Variants in MTFR1 observed in about 807,000 individuals in gnomAD.
The protein encoded by MTFR1 is mitochondrial fission regulator 1, also known as chondrocyte protein with a poly-proline region.
A neutral mutation model predicts 38.8 loss-of-function variants in MTFR1; 28 were observed. The ratio of observed to expected loss-of-function variants is 0.72; its 90% confidence interval spans 0.53 to 0.99. The LOEUF (loss-of-function observed/expected upper bound fraction) is 0.99. MTFR1 is among the 50% of genes least tolerant of loss of function. MTFR1 has a pLI of 0.00. For missense variants in MTFR1, 358 were observed against 395.5 expected (o/e 0.91, Z 0.81); for synonymous variants, 145 against 137.0 (o/e 1.06, Z -0.41).
chr8:65,700,349 T>TAA (rs551471575), intron 4 of MTFR1, among the ~76,000 whole-genome samples: 31 of 106,798 alleles, frequency 2.9e-4, no homozygotes, highest in African/African-American at 9.1e-4. Context: ...AGACCTATCT[T>TAA]AAAAAAAAAA....
chr8:65,668,810 G>A (rs184235195), intron 1 of MTFR1, among the ~76,000 whole-genome samples: 14 of 152,178 alleles, frequency 9.2e-5, no homozygotes, highest in Admixed American at 2.0e-4. Flanking sequence ...CACCACGCCC[G>A]GCCTTAAGCA....
intron 1 of MTFR1, among the ~76,000 whole-genome samples, chr8:65,657,253 T>G (rs1809294019): frequency 6.6e-6 from 1 of 152,198 alleles, no homozygotes; most frequent in African/African-American, 2.4e-5. Flanking sequence ...CCCCATGTGA[T>G]CCACCCACCT....
At chr8:65,773,728 A>AT (rs1482972695), downstream of MTFR1, among the ~76,000 whole-genome samples, 1 of 152,124 alleles carries the variant, frequency 6.6e-6, no homozygotes, top group African/African-American at 2.4e-5. Context: ...TTTCCTAGTG[A>AT]TTTAGATAGT....
intron 3 of MTFR1, among the ~76,000 whole-genome samples, chr8:65,753,004 T>C (rs1808040692): frequency 6.6e-6 from 1 of 152,226 alleles, no homozygotes; most frequent in Non-Finnish European, 1.5e-5. Flanking sequence ...ACTGAACTCC[T>C]TTTGTTGTCT....
chr8:65,655,819 C>T (rs868237004), intron 1 of MTFR1, among the ~76,000 whole-genome samples: 8 of 150,168 alleles, frequency 5.3e-5, no homozygotes, highest in East Asian at 1.9e-4. Context: ...CATGGTGGTG[C>T]GCACCTGTAA....
chr8:65,772,813 G>A (rs886968036), downstream of MTFR1, among the ~76,000 whole-genome samples: 7 of 152,046 alleles, frequency 4.6e-5, no homozygotes, highest in Non-Finnish European at 1.0e-4. Flanking sequence ...AGACCAGTCT[G>A]ACCAATATGG....
chr8:65,720,419 A>G (rs970296747), intron 3 of MTFR1: 8 of 154,188 alleles, frequency 5.2e-5, no homozygotes, highest in African/African-American at 1.9e-4. Context: ...CGTTGCAGCA[A>G]AAGACCATGT....
chr8:65,660,872 T>C (rs963969724), intron 1 of MTFR1, among the ~76,000 whole-genome samples: 1 of 152,160 alleles, frequency 6.6e-6, no homozygotes, highest in African/African-American at 2.4e-5. Context: ...CTCCGTAAAA[T>C]GGAATGTTAT....
intron 3 of MTFR1, among the ~76,000 whole-genome samples, chr8:65,738,313 C>T (rs937075175): frequency 6.6e-6 from 1 of 152,138 alleles, no homozygotes; most frequent in Admixed American, 6.6e-5. Flanking sequence ...GATCTGGGCA[C>T]TATATGAAAT....
chr8:65,648,097 T>C (rs544460088), intron 1 of MTFR1, among the ~76,000 whole-genome samples: 7 of 152,114 alleles, frequency 4.6e-5, no homozygotes, highest in African/African-American at 1.4e-4. Context: ...CTGCAAGCTC[T>C]GCCTCCCGGG....
At chr8:65,722,883 A>G (rs35042734) in intron 3 of MTFR1, 6,631 of 152,318 alleles carry the variant, frequency 0.044, 230 homozygotes, top group Non-Finnish European at 0.067. Context: ...AGAAGGTGAC[A>G]TTTGAGCTGC....
chr8:65,768,091 G>C (rs1001480478), intron 3 of MTFR1, among the ~76,000 whole-genome samples: 2 of 152,122 alleles, frequency 1.3e-5, no homozygotes, highest in Admixed American at 6.6e-5. Flanking sequence ...TTGGTGTGTT[G>C]GGAGAAACCC....
chr8:65,732,684 T>C (rs1206713187), intron 3 of MTFR1, among the ~76,000 whole-genome samples: 1 of 152,294 alleles, frequency 6.6e-6, no homozygotes, highest in East Asian at 1.9e-4. Context: ...CATCTAACTT[T>C]TTATTTTTTG....
At chr8:65,761,027 T>G (rs922843073) in intron 3 of MTFR1, among the ~76,000 whole-genome samples, 1 of 152,140 alleles carries the variant, frequency 6.6e-6, no homozygotes, top group Non-Finnish European at 1.5e-5. Flanking sequence ...CTGGCTGTAT[T>G]ACACAATATC....
intron 1 of MTFR1, among the ~76,000 whole-genome samples, chr8:65,663,894 G>A (rs796613687): frequency 2.0e-4 from 28 of 142,858 alleles, no homozygotes; most frequent in South Asian, 1.6e-3. Flanking sequence ...GCGCCACCTC[G>A]GCTCACTGCA....
chr8:65,692,495 G>T (rs1290486049), intron 3 of MTFR1, among the ~76,000 whole-genome samples: 1 of 151,992 alleles, frequency 6.6e-6, no homozygotes, highest in Non-Finnish European at 1.5e-5. Flanking sequence ...GTGCTACCAC[G>T]CCTGGCTAAT....
chr8:65,649,029 T>A (rs1809044665), intron 1 of MTFR1, among the ~76,000 whole-genome samples: 1 of 151,926 alleles, frequency 6.6e-6, no homozygotes, highest in East Asian at 1.9e-4. Context: ...AAAACAATGA[T>A]AAAATAACAA....
chr8:65,734,185 C>T (rs1807027388), intron 3 of MTFR1, among the ~76,000 whole-genome samples: 1 of 152,182 alleles, frequency 6.6e-6, no homozygotes, highest in Admixed American at 6.5e-5. Flanking sequence ...TACATTCCTC[C>T]TCTCATGGAA....
intron 3 of MTFR1, among the ~76,000 whole-genome samples, chr8:65,733,865 C>T (rs1360451110): frequency 5.9e-5 from 9 of 152,094 alleles, no homozygotes; most frequent in African/African-American, 9.7e-5. Flanking sequence ...TCCTGTTTCC[C>T]GCCTAACACC....
Sources: allele counts gnomAD v4.1 joint callset (sites outside exome capture counted in the v4.1 genomes callset), GRCh38; gene constraint gnomAD v4.1.1; transcripts MANE v1.5; gene names NCBI Gene and HGNC (gene_info 2026-07-23, HGNC 2026-07-21).